Variants in RBFOX1 observed in about 807,000 individuals in gnomAD.
RBFOX1 encodes the protein RNA binding protein fox-1 homolog 1.
Under a neutral mutation model 57.7 loss-of-function variants are expected in RBFOX1, and 8 were observed. The ratio of observed to expected loss-of-function variants is 0.14; its 90% CI spans 0.08 to 0.25. The LOEUF is 0.25. Ranked by LOEUF, RBFOX1 falls within the 10% of genes least tolerant of loss-of-function variation. The probability of loss-of-function intolerance (pLI) is 1.00; values close to 1 mark genes in which losing one functional copy is unlikely to be tolerated. For synonymous variants in RBFOX1, 326 were observed against 222.4 expected (o/e 1.47, Z -4.15); for missense variants, 611 against 548.5 (o/e 1.11, Z -1.14).
chr16:6,230,751 C>A (rs976198837), intron 1 of RBFOX1, among the ~76,000 whole-genome samples: 1 of 152,184 alleles, frequency 6.6e-6, no homozygotes, highest in Non-Finnish European at 1.5e-5. Context: ...CACACCTGGG[C>A]TGTGACCTTC....
intron 3 of RBFOX1, among the ~76,000 whole-genome samples, chr16:6,791,211 C>G (rs749322255): frequency 6.6e-6 from 1 of 152,110 alleles, no homozygotes; most frequent in Non-Finnish European, 1.5e-5. Context: ...CCGGCCTGTT[C>G]TTGTCTATCT....
At chr16:6,490,013 C>A (rs4238868) in intron 2 of RBFOX1, among the ~76,000 whole-genome samples, 31 of 152,130 alleles carry the variant, frequency 2.0e-4, no homozygotes, top group African/African-American at 6.7e-4. Flanking sequence ...TTCTAGAGAG[C>A]CCCATGTGGT....
At chr16:7,356,208 C>T (rs2097211788) in intron 4 of RBFOX1, among the ~76,000 whole-genome samples, 1 of 152,142 alleles carries the variant, frequency 6.6e-6, no homozygotes, top group Non-Finnish European at 1.5e-5. Context: ...ACTGAGAATA[C>T]AGCACTGAAT....
At chr16:5,899,109 C>T (rs1163977493) in intron 4 of RBFOX1, among the ~76,000 whole-genome samples, 1 of 139,472 alleles carries the variant, frequency 7.2e-6, no homozygotes, top group Non-Finnish European at 1.5e-5. Flanking sequence ...TGCACCACTG[C>T]ACTCCAGCCC....
chr16:6,162,997 G>C (rs538752034), intron 1 of RBFOX1, among the ~76,000 whole-genome samples: 1 of 152,270 alleles, frequency 6.6e-6, no homozygotes, highest in South Asian at 2.1e-4. Flanking sequence ...CCTTCCCAAA[G>C]TGCTGGGGTT....
intron 3 of RBFOX1, among the ~76,000 whole-genome samples, chr16:6,772,442 G>T (rs1391840321): frequency 6.7e-6 from 1 of 149,962 alleles, no homozygotes. Context: ...GTGTGTGTGT[G>T]TATGTATGTG....
intron 4 of RBFOX1, among the ~76,000 whole-genome samples, chr16:6,000,819 T>G (rs9929945): frequency 0.86 from 119,883 of 140,172 alleles, 50,993 homozygotes; most frequent in East Asian, 0.99. Context: ...GTGGATGAGT[T>G]GGTGGGTGGA....
intron 1 of RBFOX1, among the ~76,000 whole-genome samples, chr16:6,062,415 A>G (rs34787060): frequency 0.36 from 55,177 of 151,756 alleles, 10,308 homozygotes; most frequent in Non-Finnish European, 0.41. Flanking sequence ...GCCATCAGTC[A>G]TCTCATTAAC....
At chr16:6,932,282 T>A (rs909027507) in intron 3 of RBFOX1, among the ~76,000 whole-genome samples, 2 of 152,040 alleles carry the variant, frequency 1.3e-5, no homozygotes, top group Non-Finnish European at 2.9e-5. Context: ...TTTTTTTGAA[T>A]TTTCAGTAGA....
At chr16:5,937,658 T>C (rs7196082) in intron 4 of RBFOX1, among the ~76,000 whole-genome samples, 36,224 of 149,668 alleles carry the variant, frequency 0.24, 5,086 homozygotes, top group Middle Eastern at 0.47. Context: ...TAGCTACATA[T>C]AGAACTTTAT....
chr16:6,943,568 C>T (rs148814098), intron 3 of RBFOX1, among the ~76,000 whole-genome samples: 4 of 152,066 alleles, frequency 2.6e-5, no homozygotes, highest in Admixed American at 6.5e-5. Context: ...ATTAGCCAGG[C>T]GCGGTGGCGG....
chr16:7,441,780 TC>T (rs1329536343), intron 4 of RBFOX1, among the ~76,000 whole-genome samples: 2 of 152,168 alleles, frequency 1.3e-5, no homozygotes, highest in Non-Finnish European at 2.9e-5. Context: ...AGATGAGCTT[TC>T]CACTCCCAGG....
At chr16:6,893,096 C>G (rs530143544) in intron 3 of RBFOX1, among the ~76,000 whole-genome samples, 22 of 152,162 alleles carry the variant, frequency 1.4e-4, no homozygotes, top group Non-Finnish European at 3.1e-4. Context: ...TCACCTGACC[C>G]TCCTAGATTC....
At chr16:5,252,081 C>T (rs996012483) in intron 1 of RBFOX1, among the ~76,000 whole-genome samples, 2 of 152,152 alleles carry the variant, frequency 1.3e-5, no homozygotes, top group African/African-American at 4.8e-5. Context: ...TAGGACACCT[C>T]CAAGCCCAGC....
chr16:6,773,397 G>T (rs1431856408), intron 3 of RBFOX1, among the ~76,000 whole-genome samples: 2 of 147,416 alleles, frequency 1.4e-5, no homozygotes, highest in African/African-American at 5.0e-5. Flanking sequence ...GGGTATATTT[G>T]TGTGTATCTA....
At chr16:6,480,237 C>T (rs2095351802) in intron 2 of RBFOX1, among the ~76,000 whole-genome samples, 2 of 152,096 alleles carry the variant, frequency 1.3e-5, no homozygotes, top group Admixed American at 6.6e-5. Flanking sequence ...ACACATATAA[C>T]ATATAGAGTA....
At chr16:7,100,042 G>T (rs1264253564) in intron 4 of RBFOX1, among the ~76,000 whole-genome samples, 1 of 151,422 alleles carries the variant, frequency 6.6e-6, no homozygotes, top group African/African-American at 2.4e-5. Context: ...CGAGGAGGGG[G>T]TCCTTTCACA....
intron 3 of RBFOX1, among the ~76,000 whole-genome samples, chr16:6,677,693 C>T (rs527964806): frequency 6.6e-6 from 1 of 152,280 alleles, no homozygotes; most frequent in African/African-American, 2.4e-5. Flanking sequence ...TATCCATAGA[C>T]ATGTGAGCCA....
chr16:6,541,576 T>C (rs1018218571), intron 2 of RBFOX1, among the ~76,000 whole-genome samples: 6 of 152,150 alleles, frequency 3.9e-5, no homozygotes, highest in African/African-American at 1.4e-4. Flanking sequence ...CAATGGAAAG[T>C]CACTGTAGAG....
Sources: gnomAD v4.1 joint callset for allele counts (sites outside exome capture counted in the v4.1 genomes callset) on GRCh38, gnomAD v4.1.1 for gene constraint, MANE v1.5 for transcripts, NCBI Gene and HGNC (gene_info 2026-07-23, HGNC 2026-07-21) for gene names.